The following EPB41 variants were observed in gnomAD, a reference collection of about 807,000 sequenced individuals.
EPB41 encodes erythrocyte membrane protein band 4.1, also known as protein 4.1.
In EPB41, 65 loss-of-function variants were observed where a neutral mutation model predicts 108.0. That is an observed-to-expected ratio of 0.60 (90% CI 0.49 to 0.74). EPB41 has a LOEUF of 0.74. Among genes scored for constraint, EPB41 ranks in the 30% least tolerant of loss-of-function variants. The pLI, the probability that EPB41 is intolerant of heterozygous loss-of-function variation, is 0.00. For synonymous variants in EPB41, 336 were observed against 358.9 expected (o/e 0.94, Z 0.72); for missense variants, 875 against 1,037.0 (o/e 0.84, Z 2.15).
rs2096773407 is a variant in EPB41, at chr1:29,030,400, G to C, written c.1125G>C (p.Arg375Ser). 1 of 1,613,312 alleles carries C rather than the reference G, an allele frequency of 6.2e-7. No homozygotes were observed. The highest frequency in any genetic ancestry group is 8.5e-7 in the Non-Finnish European group (1 of 1,179,340). The change falls in exon 8 of 21, where the codon AGG (arginine) becomes AGC (serine). Residue 375 changes from arginine (R) to serine (S), a missense_variant and splice_region_variant. By Grantham distance (110) the Arg-to-Ser change is moderately radical. Transcript: ENST00000343067. ...ATTTTATGTTTTTATTCTATCAAAG[G>C]TCCATGACTCCAGCTCAGGCTGACT... is the stretch of plus-strand genomic sequence containing the variant. ...EKVMELHKSY[R>S]SMTPAQADLE...
chr1:28,901,373 C>T lies in EPB41; in HGVS notation c.-8+14163C>T, dbSNP rs527563598. Among the ~76,000 whole-genome samples the T allele has an allele frequency of 2.4e-4, 37 of 151,192 alleles. No individual in the cohort carries two copies. The Middle Eastern group carries it at 0.01, about 42-fold the overall frequency. On this transcript the variant is annotated intron_variant, in intron 1 of 16. Transcript: ENST00000347529. Reference sequence around the variant, plus strand: ...CTGAGTAGCTGGGACTACAGGCGTGCGCCACCATGTCCAGCTAATTTTTGT... The same window carrying T: ...CTGAGTAGCTGGGACTACAGGCGTGTGCCACCATGTCCAGCTAATTTTTGT...
chr1:28,973,141 C>T (rs2095530642), intron 1 of EPB41, among the ~76,000 whole-genome samples: 1 of 152,042 alleles, frequency 6.6e-6, no homozygotes, highest in Admixed American at 6.6e-5. Context: ...GTTTTGAAAC[C>T]TTCATACTTG....
At chr1:28,901,708 A>T (rs1470182101) in intron 1 of EPB41, among the ~76,000 whole-genome samples, 2 of 151,568 alleles carry the variant, frequency 1.3e-5, no homozygotes, top group East Asian at 3.9e-4. Context: ...TAATTTTTGT[A>T]TTTTTAGTAG....
At chr1:29,011,650 C>A (rs986355566) in intron 4 of EPB41, among the ~76,000 whole-genome samples, 1 of 152,152 alleles carries the variant, frequency 6.6e-6, no homozygotes, top group Non-Finnish European at 1.5e-5. Context: ...GTCACTCAGC[C>A]AGGAAGTAGT....
At chr1:28,979,235 A>G (rs1370783368) in intron 1 of EPB41, among the ~76,000 whole-genome samples, 5 of 151,648 alleles carry the variant, frequency 3.3e-5, no homozygotes, top group South Asian at 2.1e-4. Flanking sequence ...CTGTGAAAGC[A>G]GAGTATTGCT....
rs148201962 is a variant in EPB41, at chr1:29,031,406, C to T, written c.1212+919C>T. 4.2e-3 allele frequency among the ~76,000 whole-genome samples: 636 copies of T among 152,162 alleles called. 7 individuals are homozygous for T. The highest frequency in any genetic ancestry group is 0.014 in the African/African-American group (590 of 41,504). ...CAGATGTATGGAATTAATTTGGAGG[C>T]GAGGTTCTAGAATGTCTTGGTTTAA... On this transcript the variant is annotated intron_variant, in intron 8 of 20. Coordinates refer to ENST00000343067, the MANE Select transcript of EPB41 (RefSeq NM_001376013.1).
At position 29,005,845 on chromosome 1, in the gene EPB41, A is replaced by T. The variant is rs555204138; in HGVS notation, c.787-6020A>T. Among the ~76,000 whole-genome samples, 3 of 152,352 alleles carry T rather than the reference A, an allele frequency of 2.0e-5. No homozygotes were observed. The South Asian group carries it at 6.2e-4, about 32-fold the overall frequency. On this transcript the variant is annotated intron_variant, in intron 4 of 20. Transcript: ENST00000343067. ...ACTTTAGCCAAATGAATGAAGATCT[A>T]TATCAGGATATTGCTGCTCTTCATC... is the stretch of plus-strand genomic sequence containing the variant.
chr1:28,922,914 A>G (rs1454025641), intron 1 of EPB41, among the ~76,000 whole-genome samples: 1 of 151,236 alleles, frequency 6.6e-6, no homozygotes, highest in Admixed American at 6.6e-5. Context: ...GGTGTGAGCC[A>G]TTGTGCCCAG....
intron 15 of EPB41, 45 bp downstream of exon 15, chr1:29,060,529 T>G: frequency 6.6e-7 from 1 of 1,526,254 alleles, no homozygotes. Context: ...GCCTGGAACC[T>G]TCTGCATTCT....
At chr1:28,987,985 G>A (rs2095906441) in intron 2 of EPB41, 80 bp downstream of exon 2, 1 of 1,465,486 alleles carries the variant, frequency 6.8e-7, no homozygotes, top group African/African-American at 1.4e-5. Flanking sequence ...TATTTGGGCT[G>A]GGCGCGGTGG....
Position 28,974,444 on chromosome 1 carries a change from G to A in EPB41, c.-7-12987G>A, listed in dbSNP as rs562364056. Among the ~76,000 whole-genome samples the A allele has an allele frequency of 2.9e-3, 442 of 152,322 alleles. 3 individuals carry two copies. The highest frequency in any genetic ancestry group is 0.01 in the African/African-American group (424 of 41,568). ...TCAAATTGGGTAACCTCCAAGGGTAGAGGTTAGTGAGGTAGGCAAAATTCA... is the reference window on the plus strand; with the variant it reads ...TCAAATTGGGTAACCTCCAAGGGTAAAGGTTAGTGAGGTAGGCAAAATTCA... On this transcript the variant is annotated intron_variant, in intron 1 of 20. Coordinates refer to ENST00000343067, the MANE Select transcript of EPB41 (RefSeq NM_001376013.1).
chr1:28,931,825 C>T (rs369556991), intron 1 of EPB41, among the ~76,000 whole-genome samples: 3 of 152,196 alleles, frequency 2.0e-5, no homozygotes, highest in African/African-American at 4.8e-5. Context: ...TGAGCCACCG[C>T]GCCCGACCAA....
intron 2 of EPB41, among the ~76,000 whole-genome samples, chr1:28,992,352 A>G (rs1386620742): frequency 6.6e-6 from 1 of 152,198 alleles, no homozygotes; most frequent in East Asian, 1.9e-4. Flanking sequence ...TCGGGTTTAG[A>G]TAAAAATATG....
At chr1:29,088,048 TTTTTC>T (rs1197547392) in intron 16 of EPB41, among the ~76,000 whole-genome samples, 2 of 147,350 alleles carry the variant, frequency 1.4e-5, no homozygotes, top group Non-Finnish European at 3.0e-5. Context: ...TTTTTTTCTT[TTTTTC>T]TTTTTTTTTT....
At chr1:28,917,362 C>A (rs1570518549) in intron 1 of EPB41, among the ~76,000 whole-genome samples, 1 of 151,992 alleles carries the variant, frequency 6.6e-6, no homozygotes, top group Admixed American at 6.6e-5. Context: ...CTCACTGCAA[C>A]CTCCACCTCC....
At chr1:29,009,122 C>A (rs1283153197) in intron 4 of EPB41, among the ~76,000 whole-genome samples, 1 of 151,312 alleles carries the variant, frequency 6.6e-6, no homozygotes, top group Non-Finnish European at 1.5e-5. Context: ...CCCTAAGGAC[C>A]AGTGCTAGTT....
intron 17 of EPB41, among the ~76,000 whole-genome samples, chr1:29,098,898 G>A (rs1031126183): frequency 6.6e-6 from 1 of 151,192 alleles, no homozygotes; most frequent in African/African-American, 2.4e-5. Context: ...GCTAATTTTT[G>A]TATTTTTCGT....
In EPB41 at chr1:29,101,884, A is replaced by T. The variant is rs568446072; in HGVS notation, c.2313+3949A>T. Among the ~76,000 whole-genome samples, 6 of 152,110 alleles carry T rather than the reference A, an allele frequency of 3.9e-5. No individual in the cohort carries two copies. In the South Asian group the frequency reaches 1.0e-3, roughly 26 times the overall value. ...CACTGCACTCCAGCCTGGGGAACAGAGTGAGGACCTGTATCAAAAAAACAA... is the reference window on the plus strand; with the variant it reads ...CACTGCACTCCAGCCTGGGGAACAGTGTGAGGACCTGTATCAAAAAAACAA... On this transcript the variant is annotated intron_variant, in intron 17 of 20. Coordinates refer to ENST00000343067, the MANE Select transcript of EPB41 (RefSeq NM_001376013.1).
intron 1 of EPB41, among the ~76,000 whole-genome samples, chr1:28,928,818 T>C (rs749222715): frequency 6.6e-6 from 1 of 152,164 alleles, no homozygotes; most frequent in Non-Finnish European, 1.5e-5. Flanking sequence ...CTTTGTAACA[T>C]ATAACATTAA....
Sources: gnomAD v4.1 joint callset for allele counts (sites outside exome capture counted in the v4.1 genomes callset) on GRCh38, gnomAD v4.1.1 for gene constraint, MANE v1.5 for transcripts, NCBI Gene and HGNC (gene_info 2026-07-23, HGNC 2026-07-21) for gene names.